The following USP36 variants were observed in gnomAD, a reference collection of about 807,000 sequenced individuals.
USP36 encodes ubiquitin specific peptidase 36.
Under a neutral mutation model 111.5 loss-of-function variants are expected in USP36, and 59 were observed. The observed-to-expected ratio is 0.53, with a 90% CI of 0.43 to 0.66. The LOEUF (loss-of-function observed/expected upper bound fraction) is 0.66. Ranked by LOEUF, USP36 falls within the 30% of genes least tolerant of loss-of-function variation. The probability of loss-of-function intolerance (pLI) is 0.00; values close to 1 mark genes in which losing one functional copy is unlikely to be tolerated. For synonymous variants in USP36, 628 were observed against 581.0 expected (o/e 1.08, Z -1.16); for missense variants, 1,488 against 1,468.0 (o/e 1.01, Z -0.22).
chr17:78,836,475 A>G, intron 2 of USP36, 103 bp from the exon 3 acceptor site: 1 of 1,441,894 alleles, frequency 6.9e-7, no homozygotes, highest in Non-Finnish European at 9.2e-7. Context: ...TAGCCACCAC[A>G]AAAGCTCCCC....
chr17:78,814,661 A>G, intron 10 of USP36, 109 bp from the exon 11 acceptor site: 1 of 1,388,746 alleles, frequency 7.2e-7, no homozygotes, highest in Admixed American at 2.2e-5. Context: ...CTGGTCTTTA[A>G]CAATTTGGGG....
chr17:78,812,164 G>A (rs1389266101), intron 13 of USP36, among the ~76,000 whole-genome samples: 2 of 152,040 alleles, frequency 1.3e-5, no homozygotes, highest in Non-Finnish European at 2.9e-5. Flanking sequence ...TCCAGTCTGG[G>A]TAACAGAGTG....
Position 78,828,905 on chromosome 17 carries a change from T to C in USP36, c.578A>G (p.Asp193Gly). 1 of 1,614,056 alleles carries C rather than the reference T, an allele frequency of 6.2e-7. No homozygotes were observed. Among genetic ancestry groups the C allele is most frequent in the Non-Finnish European group, 8.5e-7 (1 of 1,180,004 alleles). Residue 193 changes from aspartate (D) to glycine (G), a missense_variant, in exon 5 of 21, where the codon GAC becomes GGC. Coordinates refer to ENST00000449938, the MANE Select transcript of USP36 (RefSeq NM_001385174.1). ...NAIKPVSFIRDLKKIARHFRF... is the reference protein window; with the variant it reads ...NAIKPVSFIRGLKKIARHFRF... ...CATGGATTGATGCTTACTTTTCAGG[T>C]CTCGGATGAAGGAGACGGGCTTGAT...
intron 4 of USP36, among the ~76,000 whole-genome samples, chr17:78,831,691 C>T (rs995400149): frequency 3.9e-5 from 6 of 151,934 alleles, no homozygotes; most frequent in East Asian, 1.9e-4. Flanking sequence ...ACCTATAATC[C>T]GAACATTTTG....
chr17:78,821,657 C>T (rs2145416945), intron 7 of USP36, among the ~76,000 whole-genome samples: 1 of 151,844 alleles, frequency 6.6e-6, no homozygotes, highest in Non-Finnish European at 1.5e-5. Flanking sequence ...AGGCTGGCCT[C>T]GAACTCCTGA....
chr17:78,834,467 G>A (rs573764366), intron 4 of USP36, among the ~76,000 whole-genome samples: 2 of 152,118 alleles, frequency 1.3e-5, no homozygotes, highest in African/African-American at 4.8e-5. Context: ...GTGTGAGATG[G>A]AGTCTTGCTC....
At chr17:78,804,250 T>G (rs956403314) in intron 15 of USP36, among the ~76,000 whole-genome samples, 54 of 151,730 alleles carry the variant, frequency 3.6e-4, no homozygotes, top group African/African-American at 1.3e-3. Context: ...TCACCTGAGG[T>G]CAGAAGTTTG....
At position 78,803,024 on chromosome 17, in the gene USP36, C is replaced by T. The variant is rs1014400576; in HGVS notation, c.2810+361G>A. Among the ~76,000 whole-genome samples the T allele has an allele frequency of 2.6e-5, 4 of 152,106 alleles. No homozygotes were observed. Among genetic ancestry groups the T allele is most frequent in the African/African-American group, 9.7e-5 (4 of 41,412 alleles). ...CGCGATCTCAGCTCACTGCAACCTC[C>T]ACCTCCTGGGCTCAAACCATCCTCC... is the stretch of plus-strand genomic sequence containing the variant. On this transcript the variant is annotated intron_variant, in intron 16 of 20. Transcript: ENST00000449938. The surrounding 1 kb of genome is among the most constrained non-coding windows in gnomAD (Gnocchi z 4.6).
chr17:78,826,690 C>T (rs2067569917), intron 6 of USP36: 4 of 187,384 alleles, frequency 2.1e-5, no homozygotes, highest in Admixed American at 1.6e-4. Context: ...GACACAAAGA[C>T]AATTTGTGAT....
Position 78,810,336 on chromosome 17 carries a change from G to A in USP36, c.1407+2524C>T, listed in dbSNP as rs188058502. 2.9e-3 allele frequency among the ~76,000 whole-genome samples: 441 copies of A among 152,178 alleles called. 1 individual carries two copies. Among genetic ancestry groups the A allele is most frequent in the African/African-American group, 9.9e-3 (411 of 41,508 alleles). On this transcript the variant is annotated intron_variant, in intron 13 of 20. Coordinates refer to ENST00000449938, the MANE Select transcript of USP36 (RefSeq NM_001385174.1). ...AGGGTCTTGCTCTGTTGCCCAGGCT[G>A]GTGTGGAGTGGTATGATCATGACTC...
At chr17:78,795,395 G>A (rs758294575), downstream of USP36, among the ~76,000 whole-genome samples, 1 of 152,210 alleles carries the variant, frequency 6.6e-6, no homozygotes, top group Non-Finnish European at 1.5e-5. The surrounding 1 kb of genome is among the most constrained non-coding windows in gnomAD (Gnocchi z 4.5). Context: ...ACACACATCA[G>A]GTAACAGCTG....
Position 78,798,803 on chromosome 17 carries a change from G to T in USP36, c.3240+105C>A. ...GCCTGGGCAGCCTGGCTCTTCTCAT[G>T]CTCGGCCGCTTCATGCCACTGCCGC... On this transcript the variant is annotated intron_variant, in intron 19 of 20. Transcript: ENST00000449938. This position sits in a 1 kb window ranked among gnomAD's most constrained non-coding sequence, Gnocchi z 5.1. 7.1e-7 allele frequency: 1 copy of T among 1,405,656 alleles called. No individual in the cohort carries two copies. Among genetic ancestry groups the T allele is most frequent in the Non-Finnish European group, 9.9e-7 (1 of 1,010,486 alleles). 87.1% of individuals were successfully genotyped at this position (1,405,656 alleles called of 1,614,324 possible).
At chr17:78,792,809 C>G (rs944242677), downstream of USP36, among the ~76,000 whole-genome samples, 11 of 152,142 alleles carry the variant, frequency 7.2e-5, no homozygotes, top group Non-Finnish European at 5.9e-5. Context: ...ACCTCCACCT[C>G]CCAGGTTCAA....
In USP36 at chr17:78,819,774, T is replaced by C. The variant is rs973117766; in HGVS notation, c.911+156A>G. ...CATAGCTATTGCTTCATTCGTGTTA[T>C]TTAGAAGTTTGAGTTTTTAGGACAC... On this transcript the variant is annotated intron_variant, in intron 9 of 20. Coordinates refer to ENST00000449938, the MANE Select transcript of USP36 (RefSeq NM_001385174.1). 6.6e-6 allele frequency among the ~76,000 whole-genome samples: 1 copy of C among 152,226 alleles called. No homozygotes were observed. Among genetic ancestry groups the C allele is most frequent in the African/African-American group, 2.4e-5 (1 of 41,470 alleles).
intron 16 of USP36, among the ~76,000 whole-genome samples, 161 bp from the exon 17 acceptor site, chr17:78,802,696 C>T (rs545695874): frequency 6.6e-6 from 1 of 152,312 alleles, no homozygotes; most frequent in Admixed American, 6.5e-5. Context: ...TTAGCGGACG[C>T]TCCACACGCA....
intron 15 of USP36, among the ~76,000 whole-genome samples, chr17:78,805,887 A>T (rs1489435377): frequency 6.6e-6 from 1 of 152,184 alleles, no homozygotes; most frequent in East Asian, 1.9e-4. Context: ...CATCACCACA[A>T]GGATGTCGCA....
At chr17:78,789,288 CCT>C (rs1389308621) in intron 3 of USP36, among the ~76,000 whole-genome samples, 1 of 151,668 alleles carries the variant, frequency 6.6e-6, no homozygotes. Flanking sequence ...ATTTGTACGC[CCT>C]GAGACCAAGC....
Position 78,807,385 on chromosome 17 carries a change from C to A in USP36, c.1659G>T (p.Leu553=), listed in dbSNP as rs775844255. ...QHFSPRTAQG[L]PGTSNSNSSR... ...TGCTATTCGAGTTGCTGGTCCCAGGCAGCCCCTGAGCAGTTCTGGGGGAAA... is the reference window on the plus strand; with the variant it reads ...TGCTATTCGAGTTGCTGGTCCCAGGAAGCCCCTGAGCAGTTCTGGGGGAAA... Residue 553 remains leucine, a synonymous_variant, in exon 14 of 21, where the codon CTG becomes CTT. Coordinates refer to ENST00000449938, the MANE Select transcript of USP36 (RefSeq NM_001385174.1). 16 of 1,614,084 alleles carry A rather than the reference C, an allele frequency of 9.9e-6. No individual in the cohort carries two copies. The highest frequency in any genetic ancestry group is 1.4e-5 in the Non-Finnish European group (16 of 1,180,036).
At chr17:78,812,780 TG>T in intron 13 of USP36, 79 bp downstream of exon 13, 1 of 1,523,110 alleles carries the variant, frequency 6.6e-7, no homozygotes, top group Non-Finnish European at 9.0e-7. Context: ...CCTTCCACTG[TG>T]GCCAACTTCC....
Sources: gnomAD v4.1 joint callset for allele counts (sites outside exome capture counted in the v4.1 genomes callset) on GRCh38, gnomAD v4.1.1 for gene constraint, Gnocchi (gnomAD v3.1) non-coding constraint, MANE v1.5 for transcripts, NCBI Gene and HGNC (gene_info 2026-07-23, HGNC 2026-07-21) for gene names.